NRXN3: variants seen among roughly 807,000 people sequenced by gnomAD.
NRXN3 encodes the protein neurexin III.
A neutral mutation model predicts 137.6 loss-of-function variants in NRXN3; 32 were observed. That is an observed-to-expected ratio of 0.23 (90% CI 0.18 to 0.31). The LOEUF (loss-of-function observed/expected upper bound fraction) is 0.31, where lower values mean the gene tolerates loss of function less well. Among genes scored for constraint, NRXN3 ranks in the 10% least tolerant of loss-of-function variants. The pLI is 1.00. For missense variants in NRXN3, 1,574 were observed against 2,062.5 expected (o/e 0.76, Z 4.59); for synonymous variants, 798 against 784.5 (o/e 1.02, Z -0.29).
intron 19 of NRXN3, among the ~76,000 whole-genome samples, chr14:79,699,912 G>A (rs1423299746): frequency 2.6e-5 from 4 of 151,972 alleles, no homozygotes; most frequent in Admixed American, 2.6e-4. Context: ...AAAGCCAATA[G>A]CCTACAAGAA....
intron 15 of NRXN3, among the ~76,000 whole-genome samples, chr14:79,083,534 T>G (rs1034121069): frequency 6.6e-6 from 1 of 152,208 alleles, no homozygotes; most frequent in Non-Finnish European, 1.5e-5. Flanking sequence ...ATCTTTTCCT[T>G]CCTTTTTCCA....
At chr14:79,774,724 A>C (rs2099091188) in intron 19 of NRXN3, among the ~76,000 whole-genome samples, 1 of 152,198 alleles carries the variant, frequency 6.6e-6, no homozygotes, top group Admixed American at 6.6e-5. Flanking sequence ...GCACATGCAG[A>C]TTCTAGATAT....
At chr14:78,520,747 A>G (rs1251502508) in intron 4 of NRXN3, among the ~76,000 whole-genome samples, 1 of 152,200 alleles carries the variant, frequency 6.6e-6, no homozygotes, top group Non-Finnish European at 1.5e-5. Context: ...TTTGAAAGTG[A>G]TGCAGTTGGG....
At chr14:78,442,207 C>T (rs978943605) in intron 4 of NRXN3, among the ~76,000 whole-genome samples, 43 of 149,710 alleles carry the variant, frequency 2.9e-4, no homozygotes, top group South Asian at 2.1e-4. Flanking sequence ...GCAGACGTCA[C>T]GGTAAGCAGA....
intron 4 of NRXN3, among the ~76,000 whole-genome samples, chr14:78,455,241 C>T (rs1434894635): frequency 1.3e-5 from 2 of 152,188 alleles, no homozygotes; most frequent in East Asian, 1.9e-4. Context: ...TATACTTCCA[C>T]ATCTTGGGTG....
At chr14:78,479,565 T>C (rs1390494596) in intron 4 of NRXN3, among the ~76,000 whole-genome samples, 1 of 152,194 alleles carries the variant, frequency 6.6e-6, no homozygotes, top group Non-Finnish European at 1.5e-5. Flanking sequence ...ACATACTTAT[T>C]AAAATGCAGA....
chr14:78,862,784 T>C (rs2099076223), intron 10 of NRXN3, among the ~76,000 whole-genome samples: 1 of 152,124 alleles, frequency 6.6e-6, no homozygotes, highest in African/African-American at 2.4e-5. Context: ...GGGAAATATG[T>C]TTTCTCAGTT....
At chr14:78,831,816 T>C (rs1004260788) in intron 10 of NRXN3, among the ~76,000 whole-genome samples, 1 of 152,206 alleles carries the variant, frequency 6.6e-6, no homozygotes, top group Non-Finnish European at 1.5e-5. Context: ...TCTTTGCCTT[T>C]GTTCAGGATC....
At chr14:78,702,741 G>A (rs1466531869) in intron 6 of NRXN3, among the ~76,000 whole-genome samples, 1 of 152,112 alleles carries the variant, frequency 6.6e-6, no homozygotes, top group East Asian at 1.9e-4. Context: ...CCTTTGCCCA[G>A]CCTGAATCTT....
At chr14:79,397,229 C>T (rs1395201738) in intron 15 of NRXN3, among the ~76,000 whole-genome samples, 2 of 152,098 alleles carry the variant, frequency 1.3e-5, no homozygotes, top group Admixed American at 1.3e-4. Context: ...CCTTTCAAAA[C>T]TCATCCCTGC....
At chr14:79,662,403 A>G (rs1603382766) in intron 16 of NRXN3, among the ~76,000 whole-genome samples, 1 of 152,256 alleles carries the variant, frequency 6.6e-6, no homozygotes, top group East Asian at 1.9e-4. Flanking sequence ...TTCATGTCTC[A>G]TTGTGACTAC....
intron 19 of NRXN3, among the ~76,000 whole-genome samples, chr14:79,728,002 T>TAAC (rs1568029044): frequency 1.3e-5 from 2 of 152,128 alleles, no homozygotes; most frequent in African/African-American, 4.8e-5. Flanking sequence ...AAGTGGACTA[T>TAAC]TAACTCTCAA....
At chr14:79,086,706 C>T (rs183190372) in intron 15 of NRXN3, among the ~76,000 whole-genome samples, 33 of 152,226 alleles carry the variant, frequency 2.2e-4, no homozygotes, top group African/African-American at 7.7e-4. Context: ...CTACTCAATG[C>T]TTCTTTTTAT....
chr14:79,166,414 C>T (rs935779219), intron 15 of NRXN3, among the ~76,000 whole-genome samples: 1 of 151,474 alleles, frequency 6.6e-6, no homozygotes, highest in Non-Finnish European at 1.5e-5. Context: ...TTGTGAGTCA[C>T]ACAAACGTTC....
At chr14:78,551,914 T>TG (rs1376547701) in intron 4 of NRXN3, among the ~76,000 whole-genome samples, 2 of 152,078 alleles carry the variant, frequency 1.3e-5, no homozygotes, top group Non-Finnish European at 2.9e-5. Flanking sequence ...TTCTTCTCAT[T>TG]ATAGGACCAA....
At chr14:78,225,142 A>G (rs1236538563) in intron 1 of NRXN3, among the ~76,000 whole-genome samples, 1 of 152,184 alleles carries the variant, frequency 6.6e-6, no homozygotes, top group Non-Finnish European at 1.5e-5. Context: ...GTCAAATGGT[A>G]TTTCTAGTTC....
At chr14:79,608,687 C>T (rs2098056799) in intron 16 of NRXN3, among the ~76,000 whole-genome samples, 1 of 152,162 alleles carries the variant, frequency 6.6e-6, no homozygotes, top group Non-Finnish European at 1.5e-5. Flanking sequence ...TATTCTCTGT[C>T]ATGGGGCAAT....
At chr14:78,340,660 C>T (rs2082048440) in intron 4 of NRXN3, among the ~76,000 whole-genome samples, 1 of 152,112 alleles carries the variant, frequency 6.6e-6, no homozygotes, top group Non-Finnish European at 1.5e-5. Flanking sequence ...CCTGGGTTTC[C>T]TGATAGCATG....
chr14:79,008,315 T>C (rs1046524582), intron 15 of NRXN3, among the ~76,000 whole-genome samples: 5 of 152,208 alleles, frequency 3.3e-5, no homozygotes, highest in Non-Finnish European at 7.3e-5. Flanking sequence ...TAAACATCCT[T>C]GTACTCACCA....
Sources: gnomAD v4.1 joint callset for allele counts (sites outside exome capture counted in the v4.1 genomes callset) on GRCh38, gnomAD v4.1.1 for gene constraint, MANE v1.5 for transcripts, NCBI Gene and HGNC (gene_info 2026-07-23, HGNC 2026-07-21) for gene names.